Variants in TAF12 observed in about 807,000 individuals in gnomAD.
TAF12 encodes TATA-box binding protein associated factor 12, also known as transcription initiation factor TFIID subunit 12.
A neutral mutation model predicts 20.8 loss-of-function variants in TAF12; 3 were observed. That is an observed-to-expected ratio of 0.14 (90% CI 0.07 to 0.37). The LOEUF is 0.37. Ranked by LOEUF, TAF12 falls within the 10% of genes least tolerant of loss-of-function variation. The pLI is 1.00. For synonymous variants in TAF12, 69 were observed against 70.2 expected (o/e 0.98, Z 0.09); for missense variants, 131 against 197.9 (o/e 0.66, Z 2.03).
intron 1 of TAF12, among the ~76,000 whole-genome samples, chr1:28,632,263 C>T (rs1570330240): frequency 1.3e-5 from 2 of 151,966 alleles, no homozygotes; most frequent in African/African-American, 2.4e-5. Flanking sequence ...CATGGTGAAA[C>T]GCTCTCTACT....
chr1:28,635,279 T>C (rs1667783000), intron 1 of TAF12, among the ~76,000 whole-genome samples: 1 of 113,564 alleles, frequency 8.8e-6, no homozygotes, highest in East Asian at 2.4e-4. Context: ...CTCCCTCCTT[T>C]TTTTTTTTTT....
intron 2 of TAF12, among the ~76,000 whole-genome samples, chr1:28,619,451 T>C (rs1374135055): frequency 2.1e-5 from 3 of 145,160 alleles, no homozygotes; most frequent in East Asian, 2.0e-4. Flanking sequence ...TGAGACGAGA[T>C]TGCGCCACTG....
At chr1:28,643,155 G>C (rs911236898), upstream of TAF12, 21 of 971,876 alleles carry the variant, frequency 2.2e-5, no homozygotes, top group Admixed American at 1.2e-4. Flanking sequence ...CGCGCGCCTC[G>C]CTTGCGCAGG....
upstream of TAF12, among the ~76,000 whole-genome samples, chr1:28,644,369 T>C (rs934524984): frequency 6.6e-6 from 1 of 152,252 alleles, no homozygotes; most frequent in African/African-American, 2.4e-5. Context: ...CATTGGGCTC[T>C]AAGCTGTATT....
chr1:28,639,353 T>C (rs1009948557), intron 1 of TAF12, among the ~76,000 whole-genome samples: 2 of 146,784 alleles, frequency 1.4e-5, no homozygotes, highest in Non-Finnish European at 3.0e-5. Context: ...GAGGTGAAAG[T>C]TGGAGTGAGC....
intron 4 of TAF12, among the ~76,000 whole-genome samples, chr1:28,612,849 G>T (rs188087239): frequency 6.3e-4 from 96 of 152,226 alleles, no homozygotes; most frequent in African/African-American, 2.2e-3. Context: ...GCATGGTGAA[G>T]ACATAACAGT....
At chr1:28,643,836 G>A (rs1049191278), upstream of TAF12, among the ~76,000 whole-genome samples, 3 of 152,084 alleles carry the variant, frequency 2.0e-5, no homozygotes, top group Non-Finnish European at 4.4e-5. Flanking sequence ...TGGATCACGA[G>A]GTCAAGAGTT....
intron 1 of TAF12, among the ~76,000 whole-genome samples, chr1:28,628,572 G>T (rs1667514411): frequency 1.3e-5 from 2 of 151,586 alleles, no homozygotes; most frequent in Non-Finnish European, 2.9e-5. Flanking sequence ...ATTACATTGT[G>T]GTGATGGTTG....
chr1:28,617,254 C>T (rs1450239578), intron 3 of TAF12, among the ~76,000 whole-genome samples: 1 of 152,052 alleles, frequency 6.6e-6, no homozygotes. Context: ...CAGACTATGC[C>T]GTTTTTAACA....
rs1437401504 is a variant in TAF12 at position 28,613,232 on chromosome 1, A to G, written c.361+15T>C. ...CAGTTGAATCCATACTTCAGGGAGA[A>G]ACAAGACCACATACCTAAATGCAGC... On this transcript the variant is annotated intron_variant, in intron 4 of 5. Coordinates refer to ENST00000373824, the MANE Select transcript of TAF12 (RefSeq NM_005644.4). The G allele has an allele frequency of 6.3e-7, 1 of 1,595,830 alleles. No individual in the cohort carries two copies. Among genetic ancestry groups the G allele is most frequent in the Non-Finnish European group, 8.5e-7 (1 of 1,169,796 alleles).
chr1:28,628,870 C>T (rs1371566231), intron 1 of TAF12, among the ~76,000 whole-genome samples: 5 of 152,282 alleles, frequency 3.3e-5, no homozygotes, highest in African/African-American at 7.2e-5. Context: ...GTTGGGAGTT[C>T]GAGACCAGCC....
chr1:28,630,296 GC>G (rs1003594599), intron 1 of TAF12, among the ~76,000 whole-genome samples: 2 of 152,074 alleles, frequency 1.3e-5, no homozygotes, highest in African/African-American at 2.4e-5. Flanking sequence ...AGTGGCTCAC[GC>G]CTGTAATTTC....
upstream of TAF12, among the ~76,000 whole-genome samples, chr1:28,646,889 G>A (rs770456514): frequency 6.6e-4 from 101 of 151,892 alleles, no homozygotes; most frequent in Non-Finnish European, 1.3e-3. Context: ...TAGTAGAGAC[G>A]GGGTTTCACC....
chr1:28,646,309 T>G (rs1406019779), upstream of TAF12: 1 of 152,030 alleles, frequency 6.6e-6, no homozygotes, highest in Non-Finnish European at 1.5e-5. Context: ...ATAACACTGG[T>G]GGATGATAGG....
rs57536422 is a variant in TAF12, at chr1:28,615,678, C to CAAAAAA, written c.246+2269_246+2274dup. Among the ~76,000 whole-genome samples the CAAAAAA allele has an allele frequency of 1.4e-3, 47 of 34,504 alleles. 1 individual carries two copies. Among genetic ancestry groups the CAAAAAA allele is most frequent in the African/African-American group, 1.8e-3 (14 of 7,614 alleles). The allele number at this position is 34,504 out of a possible 152,430, so 22.6% of individuals were successfully genotyped here. A position where few individuals can be genotyped will look rare whatever the true frequency, so the allele number is the denominator to read the frequency against. Reference sequence around the variant, plus strand: ...TGGTCAACAGAGCGAGACTCCGTCTCAAAAAAAAAAAAAAAAAAAAAAAAA... The same window carrying CAAAAAA: ...TGGTCAACAGAGCGAGACTCCGTCTCAAAAAAAAAAAAAAAAAAAAAAAAAAAAAAA... On this transcript the variant is annotated intron_variant, in intron 3 of 5. Transcript: ENST00000373824.
At chr1:28,631,409 T>A (rs1313780418) in intron 1 of TAF12, among the ~76,000 whole-genome samples, 1 of 151,814 alleles carries the variant, frequency 6.6e-6, no homozygotes, top group Non-Finnish European at 1.5e-5. Flanking sequence ...CCTATAGTCC[T>A]AGCTACTTGG....
At chr1:28,641,206 G>A (rs1327458505) in intron 1 of TAF12, among the ~76,000 whole-genome samples, 1 of 152,138 alleles carries the variant, frequency 6.6e-6, no homozygotes, top group East Asian at 1.9e-4. Context: ...ACTGGGCCGG[G>A]CGCAGTGGCT....
chr1:28,630,863 G>GTGA (rs1667593560), intron 1 of TAF12, among the ~76,000 whole-genome samples: 1 of 151,600 alleles, frequency 6.6e-6, no homozygotes, highest in Non-Finnish European at 1.5e-5. Flanking sequence ...GGCCAAGATG[G>GTGA]TGAAACCCTG....
Position 28,630,640 on chromosome 1 carries a change from G to A in TAF12, c.-84-8475C>T, listed in dbSNP as rs116412087. ...AACAGGAGAAAACCTTCATGACTTC[G>A]GGTTAGTCAGAGTTCTTAGATACAA... is the stretch of plus-strand genomic sequence containing the variant. On this transcript the variant is annotated intron_variant, in intron 1 of 5. Coordinates refer to ENST00000373824, the MANE Select transcript of TAF12 (RefSeq NM_005644.4). Among the ~76,000 whole-genome samples the A allele has an allele frequency of 8.4e-3, 1,280 of 152,086 alleles. 14 individuals carry two copies. The highest frequency in any genetic ancestry group is 0.029 in the African/African-American group (1,206 of 41,486).
Sources: gnomAD v4.1 joint callset for allele counts (sites outside exome capture counted in the v4.1 genomes callset) on GRCh38, gnomAD v4.1.1 for gene constraint, MANE v1.5 for transcripts, NCBI Gene and HGNC (gene_info 2026-07-23, HGNC 2026-07-21) for gene names.